The following ZNF621 variants were observed in gnomAD, a reference collection of about 807,000 sequenced individuals.
ZNF621 encodes zinc finger protein 621.
A neutral mutation model predicts 12.7 loss-of-function variants in ZNF621; 6 were observed. The ratio of observed to expected loss-of-function variants is 0.47; its 90% confidence interval spans 0.26 to 0.93. The LOEUF is 0.93. Among genes scored for constraint, ZNF621 ranks in the 40% least tolerant of loss-of-function variants. The pLI, the probability that ZNF621 is intolerant of heterozygous loss-of-function variation, is 0.15. For missense variants in ZNF621, 474 were observed against 524.0 expected, an observed-to-expected ratio of 0.90 and a Z score of 0.93; for synonymous variants, 156 against 190.3, an observed-to-expected ratio of 0.82 and a Z score of 1.48.
chr3:40,527,242 C>T (rs1310309431), intron 2 of ZNF621, among the ~76,000 whole-genome samples: 1 of 151,962 alleles, frequency 6.6e-6, no homozygotes, highest in Non-Finnish European at 1.5e-5. Flanking sequence ...ATCTCGAACT[C>T]CCGACCTCAG....
chr3:40,526,005 A>G (rs987352419), intron 2 of ZNF621, 141 bp downstream of exon 2: 1 of 910,734 alleles, frequency 1.1e-6, no homozygotes, highest in African/African-American at 1.7e-5. Flanking sequence ...CTCCAGGGCT[A>G]TGGCAGATGT....
rs1698901289 is a variant in ZNF621 at position 40,537,609 on chromosome 3, C to G, written c.*4519C>G. On this transcript the variant is annotated 3_prime_UTR_variant, in exon 5 of 5. Coordinates refer to ENST00000339296, the MANE Select transcript of ZNF621 (RefSeq NM_198484.5). Reference sequence around the variant, plus strand: ...CAGAATGAAACCAAAAAAAGTGAAACAGCATTATTACTGATATGGAGAAAG... The same window carrying G: ...CAGAATGAAACCAAAAAAAGTGAAAGAGCATTATTACTGATATGGAGAAAG... 6.6e-6 allele frequency: 1 copy of G among 152,346 alleles called. No individual in the cohort carries two copies. The highest frequency in any genetic ancestry group is 1.9e-4 in the East Asian group (1 of 5,204). 9.4% of individuals were successfully genotyped at this position (152,346 alleles called of 1,614,324 possible).
At position 40,532,093 on chromosome 3, in the gene ZNF621, A is replaced by G; in HGVS notation, c.323A>G (p.Glu108Gly). The change falls in exon 5 of 5, where the codon GAG (glutamate) becomes GGG (glycine). Residue 108 changes from glutamate to glycine, a missense_variant. Physicochemically the swap from Glu to Gly is moderately conservative, Grantham distance 98 (BLOSUM62 -2). Transcript: ENST00000339296. ...VIKQEASEETELHRMPVGGLL... is the reference protein window; with the variant it reads ...VIKQEASEETGLHRMPVGGLL... Reference sequence around the variant, plus strand: ...AAGCAGGAAGCCTCTGAAGAAACAGAGTTGCACAGAATGCCAGTAGGAGGA... The same window carrying G: ...AAGCAGGAAGCCTCTGAAGAAACAGGGTTGCACAGAATGCCAGTAGGAGGA... The G allele has an allele frequency of 6.2e-7, 1 of 1,614,098 alleles. No homozygotes were observed. The highest frequency in any genetic ancestry group is 8.5e-7 in the Non-Finnish European group (1 of 1,180,016).
At position 40,529,324 on chromosome 3, in the gene ZNF621, A is replaced by G. The variant is rs1315698751; in HGVS notation, c.30A>G (p.Ser10=). The G allele has an allele frequency of 6.2e-7, 1 of 1,613,288 alleles. No homozygotes were observed. ...GCAGGAACCTGTTGTTTCAGGAGTCAGTGACCTTTGAGGATGTGGCTGTTT... is the reference window on the plus strand; with the variant it reads ...GCAGGAACCTGTTGTTTCAGGAGTCGGTGACCTTTGAGGATGTGGCTGTTT... MLQTTWPQE[S]VTFEDVAVYF... The change falls in exon 3 of 5, where the codon TCA becomes TCG. Residue 10 remains serine, a synonymous_variant. Coordinates refer to ENST00000339296, the MANE Select transcript of ZNF621 (RefSeq NM_198484.5).
chr3:40,531,779 G>T (rs567098720), intron 4 of ZNF621, among the ~76,000 whole-genome samples: 1 of 152,144 alleles, frequency 6.6e-6, no homozygotes, highest in East Asian at 1.9e-4. Flanking sequence ...GCCCAGTCTG[G>T]TCTCGAACTC....
rs1432493070 is a variant in ZNF621, at chr3:40,537,944, T to C, written c.*4854T>C. Among the ~76,000 whole-genome samples, 1 of 152,218 alleles carries C rather than the reference T, an allele frequency of 6.6e-6. No homozygotes were observed. Among genetic ancestry groups the C allele is most frequent in the Non-Finnish European group, 1.5e-5 (1 of 68,046 alleles). ...CCTTCTTTTGGAAGAAGAAACCATC[T>C]AGGACTTTCATGGAGAAGAGAAGTT... On this transcript the variant is annotated 3_prime_UTR_variant, in exon 5 of 5. Coordinates refer to ENST00000339296, the MANE Select transcript of ZNF621 (RefSeq NM_198484.5).
At position 40,524,969 on chromosome 3, in the gene ZNF621, C is replaced by T. The variant is rs765675032; in HGVS notation, c.-368C>T. On this transcript the variant is annotated 5_prime_UTR_variant, in exon 1 of 5. Coordinates refer to ENST00000339296, the MANE Select transcript of ZNF621 (RefSeq NM_198484.5). ...TGGGCGTGCACTCGCCCTTCCGGCT[C>T]GGCCTTTAGTTAGTGACCAGCTCCT... 1.3e-5 allele frequency: 2 copies of T among 152,272 alleles called. No individual in the cohort carries two copies. Among genetic ancestry groups the T allele is most frequent in the East Asian group, 3.9e-4 (2 of 5,182 alleles). 9.4% of individuals were successfully genotyped at this position (152,272 alleles called of 1,614,324 possible).
At chr3:40,527,335 A>ATT (rs34422040) in intron 2 of ZNF621, among the ~76,000 whole-genome samples, 7 of 136,812 alleles carry the variant, frequency 5.1e-5, no homozygotes, top group Non-Finnish European at 8.0e-5. Flanking sequence ...CCATTTTTAA[A>ATT]TTTTTTTTTT....
At chr3:40,529,571 A>G (rs753363160) in intron 3 of ZNF621, 126 bp downstream of exon 3, 11 of 1,580,396 alleles carry the variant, frequency 7.0e-6, no homozygotes, top group Non-Finnish European at 9.5e-6. Context: ...CTCCAGAAAT[A>G]CTGGGTAGGG....
chr3:40,526,029 G>T (rs1484922316), intron 2 of ZNF621, among the ~76,000 whole-genome samples, 165 bp downstream of exon 2: 1 of 152,140 alleles, frequency 6.6e-6, no homozygotes, highest in East Asian at 1.9e-4. Context: ...TATGTGCTGG[G>T]GAAATGAAAG....
intron 4 of ZNF621, among the ~76,000 whole-genome samples, chr3:40,531,489 T>C (rs574014475): frequency 1.3e-5 from 2 of 152,206 alleles, no homozygotes; most frequent in African/African-American, 4.8e-5. Flanking sequence ...TTTTCCAGCC[T>C]TCCTCGTGGG....
rs1432493070 is a variant in ZNF621, at chr3:40,537,944, T to G, written c.*4854T>G. On this transcript the variant is annotated 3_prime_UTR_variant, in exon 5 of 5. Transcript: ENST00000339296. ...CCTTCTTTTGGAAGAAGAAACCATCTAGGACTTTCATGGAGAAGAGAAGTT... is the reference window on the plus strand; with the variant it reads ...CCTTCTTTTGGAAGAAGAAACCATCGAGGACTTTCATGGAGAAGAGAAGTT... 6.6e-6 allele frequency among the ~76,000 whole-genome samples: 1 copy of G among 152,218 alleles called. No individual in the cohort carries two copies. Among genetic ancestry groups the G allele is most frequent in the East Asian group, 1.9e-4 (1 of 5,196 alleles).
intron 2 of ZNF621, among the ~76,000 whole-genome samples, chr3:40,527,674 T>C (rs966724858): frequency 2.0e-5 from 3 of 152,232 alleles, no homozygotes; most frequent in Non-Finnish European, 4.4e-5. Flanking sequence ...CACATGTATA[T>C]ACAAGTTCTG....
chr3:40,529,470 T>G (rs1385519298), intron 3 of ZNF621, 25 bp downstream of exon 3: 1 of 1,611,238 alleles, frequency 6.2e-7, no homozygotes. Flanking sequence ...TGTGGCCCTT[T>G]GTAACAGTTT....
upstream of ZNF621, among the ~76,000 whole-genome samples, chr3:40,524,683 G>A (rs1222317190): frequency 2.0e-5 from 3 of 152,228 alleles, no homozygotes; most frequent in African/African-American, 7.2e-5. Context: ...CGTGAACTGG[G>A]GGCCCACTTG....
chr3:40,532,123 T>C lies in ZNF621; in HGVS notation c.353T>C (p.Leu118Pro), dbSNP rs199508193. The change falls in exon 5 of 5, where the codon CTC (leucine) becomes CCC (proline). Residue 118 changes from leucine (L) to proline (P), a missense_variant. Coordinates refer to ENST00000339296, the MANE Select transcript of ZNF621 (RefSeq NM_198484.5). ...ELHRMPVGGL[L>P]RNVSQHFDFK... The stretch of plus-strand genomic sequence containing the variant: ...CACAGAATGCCAGTAGGAGGACTTC[T>C]CAGGAACGTTTCTCAGCACTTTGAT... The C allele has an allele frequency of 3.7e-6, 6 of 1,614,162 alleles. No homozygotes were observed. The highest frequency in any genetic ancestry group is 2.2e-5 in the East Asian group (1 of 44,876).
chr3:40,530,280 C>A lies in ZNF621; in HGVS notation c.223C>A (p.Pro75Thr), dbSNP rs1338707820. Residue 75 changes from proline to threonine, a missense_variant, in exon 4 of 5, where the codon CCC (proline) becomes ACC (threonine). Pro to Thr is a conservative substitution (Grantham distance 38). Transcript: ENST00000339296. ...AGGGGAAGCACCATGGGGCCCAGAT[C>A]CCTGGGACACCGAGATTCTGAGAGG... ...ERGEAPWGPDPWDTEILRGIS... is the reference protein window; with the variant it reads ...ERGEAPWGPDTWDTEILRGIS... 5.6e-6 allele frequency: 9 copies of A among 1,612,888 alleles called. No homozygotes were observed. In the Admixed American group the frequency reaches 1.3e-4, roughly 24 times the overall value.
Position 40,532,541 on chromosome 3 carries a change from C to T in ZNF621, c.771C>T (p.His257=), listed in dbSNP as rs1367762059. The T allele has an allele frequency of 1.2e-6, 2 of 1,614,128 alleles. No individual in the cohort carries two copies. Among genetic ancestry groups the T allele is most frequent in the South Asian group, 1.1e-5 (1 of 91,080 alleles). The part of the protein sequence containing the change: ...SAAYLQHQRL[H]TGEKLYKCKE... ...CATACCTGCAGCATCAGAGATTACACACGGGAGAGAAACTCTATAAATGTA... is the reference window on the plus strand; with the variant it reads ...CATACCTGCAGCATCAGAGATTACATACGGGAGAGAAACTCTATAAATGTA... Residue 257 remains histidine (H), a synonymous_variant, in exon 5 of 5, where the codon CAC becomes CAT. Coordinates refer to ENST00000339296, the MANE Select transcript of ZNF621 (RefSeq NM_198484.5).
chr3:40,529,315 T>A lies in ZNF621; in HGVS notation c.25-4T>A. On this transcript the variant is annotated splice_region_variant and splice_polypyrimidine_tract_variant and intron_variant, in intron 2 of 4. Transcript: ENST00000339296. ...AGAGATTGAGCAGGAACCTGTTGTTTCAGGAGTCAGTGACCTTTGAGGATG... is the reference window on the plus strand; with the variant it reads ...AGAGATTGAGCAGGAACCTGTTGTTACAGGAGTCAGTGACCTTTGAGGATG... 9 of 1,612,884 alleles carry A rather than the reference T, an allele frequency of 5.6e-6. No individual in the cohort carries two copies. The highest frequency in any genetic ancestry group is 7.6e-6 in the Non-Finnish European group (9 of 1,179,182).
Sources: gnomAD v4.1 joint callset for allele counts (sites outside exome capture counted in the v4.1 genomes callset) on GRCh38, gnomAD v4.1.1 for gene constraint, MANE v1.5 for transcripts, NCBI Gene and HGNC (gene_info 2026-07-23, HGNC 2026-07-21) for gene names.